The following NCSTN variants were observed in gnomAD, a reference collection of about 807,000 sequenced individuals.
NCSTN encodes nicastrin.
In NCSTN, 22 loss-of-function variants were observed where a neutral mutation model predicts 87.0. The observed-to-expected ratio is 0.25, with a 90% confidence interval of 0.18 to 0.36. The LOEUF (loss-of-function observed/expected upper bound fraction) is 0.36. Among genes scored for constraint, NCSTN ranks in the 10% least tolerant of loss-of-function variants. The pLI is 1.00. For missense variants in NCSTN, 693 were observed against 883.3 expected (o/e 0.78, Z 2.73); for synonymous variants, 306 against 327.1 (o/e 0.94, Z 0.69).
At chr1:160,349,394 T>C in intron 3 of NCSTN, 155 bp from the exon 4 acceptor site, 2 of 1,163,888 alleles carry the variant, frequency 1.7e-6, no homozygotes, top group Non-Finnish European at 2.6e-6. Context: ...TTAGAGCAGA[T>C]CATTGTCCAG....
At chr1:160,347,351 CTT>C (rs1307725065) in intron 2 of NCSTN, among the ~76,000 whole-genome samples, 1 of 152,216 alleles carries the variant, frequency 6.6e-6, no homozygotes, top group African/African-American at 2.4e-5. Flanking sequence ...CTCTGCTTCT[CTT>C]AGACGCTTTA....
At chr1:160,347,121 G>A (rs965748961) in intron 2 of NCSTN, among the ~76,000 whole-genome samples, 2 of 152,328 alleles carry the variant, frequency 1.3e-5, no homozygotes, top group Non-Finnish European at 2.9e-5. Context: ...GCCTCTAGAG[G>A]TAAAGCCACG....
chr1:160,351,635 G>A (rs1246500995), intron 6 of NCSTN, 61 bp from the exon 7 acceptor site: 3 of 1,441,814 alleles, frequency 2.1e-6, no homozygotes, highest in Non-Finnish European at 2.9e-6. Flanking sequence ...TTCCAATGTT[G>A]CCTTTATAGC....
At chr1:160,354,672 C>A (rs1410838430) in intron 11 of NCSTN, among the ~76,000 whole-genome samples, 1 of 152,176 alleles carries the variant, frequency 6.6e-6, no homozygotes, top group Non-Finnish European at 1.5e-5. Flanking sequence ...CTGGAACTCA[C>A]CCAGAGGTGC....
intron 1 of NCSTN, chr1:160,344,497 A>C: frequency 1.9e-6 from 3 of 1,543,736 alleles, no homozygotes; most frequent in Non-Finnish European, 2.6e-6. Flanking sequence ...ATGGCGCTAC[A>C]TGGACTTTGT....
chr1:160,349,117 T>A lies in NCSTN; in HGVS notation c.309T>A (p.Phe103Leu), dbSNP rs1648688630. 6.2e-7 allele frequency: 1 copy of A among 1,614,190 alleles called. No individual in the cohort carries two copies. The highest frequency in any genetic ancestry group is 8.5e-7 in the Non-Finnish European group (1 of 1,180,010). ...TGGTTCTGCTGGAGAGCAAGCATTT[T>A]ACCAGGTAAGAACTAGATGTATCTG... ...PYMVLLESKH[F>L]TRDLMEKLKG... Residue 103 changes from phenylalanine to leucine, a missense_variant, in exon 3 of 17, where the codon TTT (phenylalanine) becomes TTA (leucine). Transcript: ENST00000294785.
intron 2 of NCSTN, among the ~76,000 whole-genome samples, chr1:160,348,780 C>T (rs926835523): frequency 1.3e-5 from 2 of 152,196 alleles, no homozygotes; most frequent in African/African-American, 4.8e-5. Flanking sequence ...ACCTTTCTGG[C>T]ATATAATGAG....
intron 12 of NCSTN, 51 bp downstream of exon 12, chr1:160,355,808 T>C (rs1649095741): frequency 6.2e-7 from 1 of 1,602,644 alleles, no homozygotes; most frequent in Non-Finnish European, 8.5e-7. Flanking sequence ...GTGAAGATGC[T>C]AGCATTTGAG....
intron 1 of NCSTN, chr1:160,344,479 C>A: frequency 6.6e-7 from 1 of 1,520,520 alleles, no homozygotes; most frequent in South Asian, 1.3e-5. Context: ...CTTTTAGTGT[C>A]ACTGTCAATG....
intron 2 of NCSTN, 95 bp downstream of exon 2, chr1:160,344,921 T>A: frequency 9.6e-7 from 1 of 1,046,898 alleles, no homozygotes; most frequent in Non-Finnish European, 1.5e-6. Flanking sequence ...GATTTGACAC[T>A]TATATTGGAC....
At chr1:160,354,845 T>C (rs1429615108) in intron 11 of NCSTN, among the ~76,000 whole-genome samples, 1 of 152,168 alleles carries the variant, frequency 6.6e-6, no homozygotes, top group Non-Finnish European at 1.5e-5. Context: ...CTTGAGGCCT[T>C]GGATAACAGG....
intron 16 of NCSTN, among the ~76,000 whole-genome samples, chr1:160,357,868 TGTAAGTGCCGCAAGGGAACCAAA>T (rs2101911720): frequency 6.6e-6 from 1 of 152,304 alleles, no homozygotes; most frequent in East Asian, 1.9e-4. Context: ...AAGTCAGTAA[TGTAAGTGCCGCAAGGGAACCAAA>T]GCCATGGGCC....
At chr1:160,356,831 T>A (rs551878247) in intron 15 of NCSTN, 77 bp downstream of exon 15, 1 of 1,576,416 alleles carries the variant, frequency 6.3e-7, no homozygotes, top group East Asian at 2.3e-5. Context: ...TAGACCTAGT[T>A]AGACCCAGGG....
chr1:160,357,390 GC>G, intron 16 of NCSTN, 137 bp downstream of exon 16: 1 of 935,898 alleles, frequency 1.1e-6, no homozygotes, highest in Non-Finnish European at 1.7e-6. Flanking sequence ...TCCCTGGTCA[GC>G]CAGCATGTTC....
Position 160,354,140 on chromosome 1 carries a change from T to C in NCSTN, c.1202T>C (p.Leu401Ser). ...CAGGTGGAGGATCTCCTGGCCACAT[T>C]GGAGAAGAGTGGTGCTGGTGTCCCT... ...RNQVEDLLAT[L>S]EKSGAGVPAV... is the part of the protein sequence containing the mutation. Residue 401 changes from leucine to serine, a missense_variant, in exon 11 of 17, where the codon TTG (leucine) becomes TCG (serine). By Grantham distance (145) the Leu-to-Ser change is moderately radical. Coordinates refer to ENST00000294785, the MANE Select transcript of NCSTN (RefSeq NM_015331.3). 6.2e-7 allele frequency: 1 copy of C among 1,614,106 alleles called. No individual in the cohort carries two copies. Among genetic ancestry groups the C allele is most frequent in the Non-Finnish European group, 8.5e-7 (1 of 1,180,012 alleles).
chr1:160,343,527 C>A, intron 1 of NCSTN, 46 bp downstream of exon 1: 1 of 1,536,614 alleles, frequency 6.5e-7, no homozygotes, highest in Non-Finnish European at 8.8e-7. Flanking sequence ...GGGGAACTCT[C>A]GGATCGGCCC....
chr1:160,352,282 G>A, intron 8 of NCSTN, 76 bp downstream of exon 8: 7 of 1,578,634 alleles, frequency 4.4e-6, no homozygotes, highest in South Asian at 1.1e-5. Flanking sequence ...ACTGGTTGGA[G>A]AAGACCTCAG....
chr1:160,355,846 C>A lies in NCSTN; in HGVS notation c.1456-17C>A, dbSNP rs1422296023. 2 of 1,612,792 alleles carry A rather than the reference C, an allele frequency of 1.2e-6. No homozygotes were observed. The highest frequency in any genetic ancestry group is 3.3e-5 in the Admixed American group (2 of 60,014). On this transcript the variant is annotated splice_polypyrimidine_tract_variant and intron_variant, in intron 12 of 16. Transcript: ENST00000294785. ...TAGGAGAGGTGGGCCATTCAGCCCC[C>A]TCCTCACCTACCACAGGCCCTGGCA...
Position 160,357,101 on chromosome 1 carries a change from C to T in NCSTN, c.1855C>T (p.Arg619Trp), listed in dbSNP as rs200495004. The change falls in exon 16 of 17, where the codon CGG becomes TGG. Residue 619 changes from arginine to tryptophan, a missense_variant. This residue lies in a region of NCSTN where 216 missense variants were observed against 311.7 expected (regional missense o/e 0.69). Coordinates refer to ENST00000294785, the MANE Select transcript of NCSTN (RefSeq NM_015331.3). ...TTCTAATGAGACGGACCGACTCCCC[C>T]GGTGTGTGCGTTCTACTGCACGATT... is the stretch of plus-strand genomic sequence containing the variant. ...LHSNETDRLP[R>W]CVRSTARLAR... 5 of 1,614,016 alleles carry T rather than the reference C, an allele frequency of 3.1e-6. No homozygotes were observed. The highest frequency in any genetic ancestry group is 4.2e-6 in the Non-Finnish European group (5 of 1,180,026).
Sources: allele counts gnomAD v4.1 joint callset (sites outside exome capture counted in the v4.1 genomes callset), GRCh38; gene constraint gnomAD v4.1.1; regional missense constraint gnomAD v4.1.1; transcripts MANE v1.5; gene names NCBI Gene and HGNC (gene_info 2026-07-23, HGNC 2026-07-21).